The following RAD18 variants were observed in gnomAD, a reference collection of about 807,000 sequenced individuals.
RAD18 encodes E3 ubiquitin-protein ligase RAD18.
In RAD18, 47 loss-of-function variants were observed where a neutral mutation model predicts 60.4. That is an observed-to-expected ratio of 0.78 (90% CI 0.62 to 0.99). The LOEUF (loss-of-function observed/expected upper bound fraction) is 0.99. Among genes scored for constraint, RAD18 ranks in the 50% least tolerant of loss-of-function variants. The probability of loss-of-function intolerance (pLI) is 0.00; values close to 1 mark genes in which losing one functional copy is unlikely to be tolerated. For synonymous variants in RAD18, 225 were observed against 195.5 expected, an observed-to-expected ratio of 1.15 and a Z score of -1.26; for missense variants, 640 against 593.3, an observed-to-expected ratio of 1.08 and a Z score of -0.82.
At chr3:8,914,296 A>C (rs953302899) in intron 7 of RAD18, among the ~76,000 whole-genome samples, 1 of 152,256 alleles carries the variant, frequency 6.6e-6, no homozygotes, top group African/African-American at 2.4e-5. Flanking sequence ...TTCTGCATCC[A>C]AAGTCAATAC....
chr3:8,937,212 C>T (rs1417983426), intron 6 of RAD18, among the ~76,000 whole-genome samples: 2 of 152,142 alleles, frequency 1.3e-5, no homozygotes, highest in Non-Finnish European at 2.9e-5. Context: ...TTTACAGAAG[C>T]ACACAGGGAG....
intron 4 of RAD18, among the ~76,000 whole-genome samples, chr3:8,944,907 T>C (rs1559795454): frequency 6.6e-6 from 1 of 152,200 alleles, no homozygotes; most frequent in Non-Finnish European, 1.5e-5. Context: ...CAATAAACTG[T>C]AGTCGGCCCT....
chr3:8,897,519 G>A (rs369032), intron 11 of RAD18, among the ~76,000 whole-genome samples: 70,079 of 151,978 alleles, frequency 0.46, 19,947 homozygotes, highest in Middle Eastern at 0.68. Flanking sequence ...CCCTGAGAAC[G>A]CCCAGTTGGA....
chr3:8,917,103 T>C (rs1940214486), intron 7 of RAD18, among the ~76,000 whole-genome samples: 1 of 151,508 alleles, frequency 6.6e-6, no homozygotes, highest in Non-Finnish European at 1.5e-5. Flanking sequence ...TAAAGAAAAA[T>C]CAAGAATTAC....
At chr3:8,914,447 C>A (rs589320) in intron 7 of RAD18, among the ~76,000 whole-genome samples, 108,865 of 152,068 alleles carry the variant, frequency 0.72, 39,429 homozygotes, top group Middle Eastern at 0.78. Flanking sequence ...AAACAACATT[C>A]AGACAGTGTG....
At chr3:8,931,610 G>A (rs1940554407) in intron 7 of RAD18, 1 of 152,222 alleles carries the variant, frequency 6.6e-6, no homozygotes, top group Admixed American at 6.5e-5. Flanking sequence ...TGAACAACAA[G>A]AATGGATAAT....
chr3:8,940,331 T>C (rs1940726521), intron 5 of RAD18, among the ~76,000 whole-genome samples: 1 of 152,100 alleles, frequency 6.6e-6, no homozygotes, highest in African/African-American at 2.4e-5. Context: ...ATCGTAAAAT[T>C]TCATTTGGGA....
At chr3:8,935,505 G>A (rs1940633820) in intron 7 of RAD18, among the ~76,000 whole-genome samples, 1 of 152,176 alleles carries the variant, frequency 6.6e-6, no homozygotes, top group South Asian at 2.1e-4. Context: ...TTTTATGAAG[G>A]AGAAAACTGA....
chr3:8,942,905 A>G (rs1574823438), intron 4 of RAD18, among the ~76,000 whole-genome samples: 1 of 152,226 alleles, frequency 6.6e-6, no homozygotes, highest in South Asian at 2.1e-4. Context: ...TCAGTGCTGG[A>G]AAGTTAGTTG....
chr3:8,953,832 T>G (rs1327801852), intron 2 of RAD18, among the ~76,000 whole-genome samples: 1 of 152,116 alleles, frequency 6.6e-6, no homozygotes, highest in Admixed American at 6.5e-5. Context: ...TTTTTTCCTT[T>G]TGTGGATTTT....
At chr3:8,916,271 T>C (rs1253151815) in intron 7 of RAD18, among the ~76,000 whole-genome samples, 38 of 152,186 alleles carry the variant, frequency 2.5e-4, no homozygotes, top group Admixed American at 2.4e-3. Context: ...AGCTCTGAGA[T>C]GCAGGATTGA....
chr3:8,881,274 A>G lies in RAD18; in HGVS notation c.*83T>C, dbSNP rs893600035. ...TAGAATTTAGCATCTTTCCTTGGGC[A>G]TTTATAAATAGAAAATCTATCTGTG... On this transcript the variant is annotated 3_prime_UTR_variant, in exon 13 of 13. Transcript: ENST00000264926. The G allele has an allele frequency of 1.8e-6, 2 of 1,092,672 alleles. No homozygotes were observed. Among genetic ancestry groups the G allele is most frequent in the African/African-American group, 1.6e-5 (1 of 62,816 alleles). The allele number at this position is 1,092,672 out of a possible 1,614,324, so 67.7% of individuals were successfully genotyped here.
At chr3:8,885,509 T>G (rs1283540524) in intron 12 of RAD18, among the ~76,000 whole-genome samples, 1 of 152,238 alleles carries the variant, frequency 6.6e-6, no homozygotes, top group Non-Finnish European at 1.5e-5. Flanking sequence ...AGCAAGATTT[T>G]TAAGTGGTGT....
At chr3:8,952,813 T>C (rs1235015658) in intron 2 of RAD18, among the ~76,000 whole-genome samples, 1 of 152,116 alleles carries the variant, frequency 6.6e-6, no homozygotes, top group Non-Finnish European at 1.5e-5. Flanking sequence ...CCAAAGATAA[T>C]GGAACTAATA....
intron 7 of RAD18, among the ~76,000 whole-genome samples, chr3:8,927,976 G>C (rs1333943657): frequency 6.6e-6 from 1 of 151,238 alleles, no homozygotes; most frequent in Non-Finnish European, 1.5e-5. Flanking sequence ...GAGTTAGTGG[G>C]GGCAGCACAC....
intron 9 of RAD18, among the ~76,000 whole-genome samples, chr3:8,909,376 T>G (rs2125053703): frequency 6.6e-6 from 1 of 152,260 alleles, no homozygotes; most frequent in East Asian, 1.9e-4. Context: ...GAAGACAGTT[T>G]TGGCTTCTGA....
intron 7 of RAD18, among the ~76,000 whole-genome samples, chr3:8,920,653 C>T (rs1382811967): frequency 2.1e-5 from 2 of 95,314 alleles, no homozygotes; most frequent in Non-Finnish European, 5.7e-5. Context: ...ATTCCGAAGA[C>T]AAAACATCAC....
In RAD18 at chr3:8,879,957, A is replaced by G. The variant is rs1355981272; in HGVS notation, c.*1400T>C. ...TTTTCATTTTGACATAATTTCTGAC[A>G]ACTCAGTGACATAAATATATCCATG... On this transcript the variant is annotated 3_prime_UTR_variant, in exon 13 of 13. Coordinates refer to ENST00000264926, the MANE Select transcript of RAD18 (RefSeq NM_020165.4). 6.6e-6 allele frequency: 1 copy of G among 152,212 alleles called. No individual in the cohort carries two copies. The highest frequency in any genetic ancestry group is 1.5e-5 in the Non-Finnish European group (1 of 68,044). The allele number at this position is 152,212 out of a possible 1,614,324, so 9.4% of individuals were successfully genotyped here.
At chr3:8,932,223 C>T (rs754416290) in intron 7 of RAD18, among the ~76,000 whole-genome samples, 15 of 152,188 alleles carry the variant, frequency 9.9e-5, no homozygotes, top group Non-Finnish European at 1.3e-4. Context: ...TCAAAGACAT[C>T]ATTAAGAAAA....
Sources: allele counts gnomAD v4.1 joint callset (sites outside exome capture counted in the v4.1 genomes callset), GRCh38; gene constraint gnomAD v4.1.1; transcripts MANE v1.5; gene names NCBI Gene and HGNC (gene_info 2026-07-23, HGNC 2026-07-21).